Variants in GTF3C2 observed in about 807,000 individuals in gnomAD.
GTF3C2 encodes general transcription factor IIIC subunit 2.
A neutral mutation model predicts 117.4 loss-of-function variants in GTF3C2; 17 were observed. The ratio of observed to expected loss-of-function variants is 0.14; its 90% confidence interval spans 0.10 to 0.22. The LOEUF (loss-of-function observed/expected upper bound fraction) is 0.22, where lower values mean the gene tolerates loss of function less well. Among genes scored for constraint, GTF3C2 ranks in the 10% least tolerant of loss-of-function variants. The pLI is 1.00. For missense variants in GTF3C2, 888 were observed against 1,143.6 expected, an observed-to-expected ratio of 0.78 and a Z score of 3.22; for synonymous variants, 437 against 427.0, an observed-to-expected ratio of 1.02 and a Z score of -0.29.
intron 1 of GTF3C2, among the ~76,000 whole-genome samples, chr2:27,346,401 GA>G (rs1680919285): frequency 8.8e-6 from 1 of 113,780 alleles, no homozygotes; most frequent in Non-Finnish European, 1.7e-5. Flanking sequence ...ACCCAGGCTG[GA>G]GTGCAATGGT....
exon 3 of GTF3C2, chr2:27,342,917 G>T: frequency 1.9e-6 from 3 of 1,614,144 alleles, no homozygotes; most frequent in Non-Finnish European, 2.5e-6. Context: ...GGCCGATCTA[G>T]GTCTTTTGAC....
intron 1 of GTF3C2, among the ~76,000 whole-genome samples, chr2:27,343,898 T>TA (rs944636082): frequency 2.0e-5 from 3 of 150,292 alleles, no homozygotes; most frequent in Admixed American, 6.6e-5. Flanking sequence ...TAAAATAAAA[T>TA]AAAAAAATTA....
intron 4 of GTF3C2, among the ~76,000 whole-genome samples, chr2:27,341,288 G>A (rs888056001): frequency 1.3e-5 from 2 of 152,054 alleles, no homozygotes; most frequent in African/African-American, 2.4e-5. Flanking sequence ...CACCTGCCTT[G>A]GCCTCCCAAA....
chr2:27,329,563 T>G lies in GTF3C2; in HGVS notation c.1733-40A>C, dbSNP rs1318422128. ...GAATGTGTGAGCATTAAAAGCAAGTTCTCTCTTCCTTGCTCTAATTTCTTT... is the reference window on the plus strand; with the variant it reads ...GAATGTGTGAGCATTAAAAGCAAGTGCTCTCTTCCTTGCTCTAATTTCTTT... On this transcript the variant is annotated intron_variant, in intron 12 of 18. Transcript: ENST00000264720. This position sits in a 1 kb window ranked among gnomAD's most constrained non-coding sequence, Gnocchi z 4.5. 6.2e-7 allele frequency: 1 copy of G among 1,602,332 alleles called. No homozygotes were observed. Among genetic ancestry groups the G allele is most frequent in the Non-Finnish European group, 8.5e-7 (1 of 1,171,294 alleles).
intron 11 of GTF3C2, 25 bp from the exon 12 acceptor site, chr2:27,333,809 T>C (rs1163741610): frequency 3.1e-6 from 5 of 1,598,578 alleles, no homozygotes; most frequent in Non-Finnish European, 4.3e-6. Context: ...GAGATGGGAC[T>C]AGGGTTAGGG....
At chr2:27,340,391 C>T (rs187792813) in intron 4 of GTF3C2, 1 of 151,690 alleles carries the variant, frequency 6.6e-6, no homozygotes, top group Non-Finnish European at 1.5e-5. Flanking sequence ...CCACCACACC[C>T]AGCTAATTAT....
At position 27,336,431 on chromosome 2, in the gene GTF3C2, GA is replaced by G. The variant is rs769409084; in HGVS notation, c.1128-7del. On this transcript the variant is annotated splice_polypyrimidine_tract_variant and splice_region_variant and intron_variant, in intron 7 of 18. Coordinates refer to ENST00000264720, the Ensembl canonical transcript of GTF3C2. ...GTGCTGTGATCGAGCTAAATCTAGA[GA>G]AAAATCAAAGATGGGATGAAGAAAG... 3 of 1,548,792 alleles carry G rather than the reference GA, an allele frequency of 1.9e-6. No homozygotes were observed. The highest frequency in any genetic ancestry group is 1.7e-5 in the Admixed American group (1 of 59,302).
intron 1 of GTF3C2, chr2:27,356,255 G>C: frequency 2.2e-6 from 1 of 450,542 alleles, no homozygotes; most frequent in South Asian, 1.6e-5. Flanking sequence ...CACAACCCTC[G>C]GGGTTAAAGA....
chr2:27,343,537 G>A (rs748813130), exon 2 of GTF3C2: 3 of 1,613,758 alleles, frequency 1.9e-6, no homozygotes, highest in East Asian at 2.2e-5. Flanking sequence ...CAACATAGCC[G>A]ACCCCGCAGG....
chr2:27,338,575 G>A (rs1213071067), intron 4 of GTF3C2, among the ~76,000 whole-genome samples: 1 of 152,132 alleles, frequency 6.6e-6, no homozygotes, highest in Admixed American at 6.6e-5. Flanking sequence ...CTGTTGCCCA[G>A]GCTGGAGTGC....
chr2:27,341,751 GAATA>G (rs1269696271), intron 4 of GTF3C2, 193 bp downstream of exon 4: 1 of 580,784 alleles, frequency 1.7e-6, no homozygotes, highest in Non-Finnish European at 3.1e-6. Context: ...ATATATGAAT[GAATA>G]ATCTTGTTTA....
chr2:27,349,829 G>A (rs1034938348), intron 1 of GTF3C2, among the ~76,000 whole-genome samples: 4 of 151,888 alleles, frequency 2.6e-5, no homozygotes, highest in African/African-American at 4.8e-5. Context: ...TAGTAGAGAC[G>A]GGGTCTGGCT....
intron 10 of GTF3C2, 187 bp downstream of exon 10, chr2:27,335,411 G>C (rs1459205724): frequency 2.8e-6 from 2 of 710,360 alleles, no homozygotes; most frequent in South Asian, 3.0e-5. Context: ...AAAGAGTACA[G>C]CTGTAAGACT....
At chr2:27,327,624 C>CTTTTTTTTTTTTTT (rs918684500) in intron 17 of GTF3C2, among the ~76,000 whole-genome samples, 1 of 92,594 alleles carries the variant, frequency 1.1e-5, no homozygotes, top group Non-Finnish European at 2.0e-5. Context: ...ACGCCTGGCC[C>CTTTTTTTTTTTTTT]TTTTTTTTTT....
chr2:27,326,925 G>T, intron 18 of GTF3C2, 32 bp from the exon 19 acceptor site: 1 of 1,411,122 alleles, frequency 7.1e-7, no homozygotes, highest in Non-Finnish European at 1.0e-6. Context: ...AGAGAGAGAT[G>T]CTCATGGGTG....
At position 27,329,187 on chromosome 2, in the gene GTF3C2, C is replaced by T; in HGVS notation, c.1973G>A (p.Ser658Asn). Reference sequence around the variant, plus strand: ...GGGAAGCAGCCAGGCCAGTTCTGTACTCAAGAAGCGCTTGATAGAGTTTAT... The same window carrying T: ...GGGAAGCAGCCAGGCCAGTTCTGTATTCAAGAAGCGCTTGATAGAGTTTAT... Residue 658 changes from serine to asparagine, a missense_variant, in exon 14 of 19, where the codon AGT becomes AAT. This residue lies in a region of GTF3C2 where 277 missense variants were observed against 445.4 expected (regional missense o/e 0.62). Transcript: ENST00000264720. This position sits in a 1 kb window ranked among gnomAD's most constrained non-coding sequence, Gnocchi z 4.5. The T allele has an allele frequency of 1.2e-6, 2 of 1,614,118 alleles. No individual in the cohort carries two copies. The highest frequency in any genetic ancestry group is 1.7e-6 in the Non-Finnish European group (2 of 1,179,988).
At chr2:27,328,988 T>C in intron 14 of GTF3C2, 57 bp from the exon 15 acceptor site, 1 of 1,473,718 alleles carries the variant, frequency 6.8e-7, no homozygotes, top group East Asian at 2.3e-5. Context: ...TTTCTTCTTC[T>C]TAACCTCTTC....
chr2:27,339,190 C>T (rs1397317142), intron 4 of GTF3C2, among the ~76,000 whole-genome samples: 2 of 151,630 alleles, frequency 1.3e-5, no homozygotes, highest in Non-Finnish European at 2.9e-5. Flanking sequence ...GGGCGGATCA[C>T]GAGGTCAGGA....
At chr2:27,335,940 C>T (rs1386963568) in exon 9 of GTF3C2, 1 of 1,610,988 alleles carries the variant, frequency 6.2e-7, no homozygotes, top group Non-Finnish European at 8.5e-7. Flanking sequence ...CCTGGAAGTT[C>T]CCATGCTCCA....
Sources: gnomAD v4.1 joint callset for allele counts (sites outside exome capture counted in the v4.1 genomes callset) on GRCh38, gnomAD v4.1.1 for gene constraint, gnomAD v4.1.1 regional missense constraint, Gnocchi (gnomAD v3.1) non-coding constraint, MANE v1.5 for transcripts, NCBI Gene and HGNC (gene_info 2026-07-23, HGNC 2026-07-21) for gene names.